Variants in PAK5 observed in about 807,000 individuals in gnomAD.
PAK5 encodes the protein serine/threonine-protein kinase PAK 5.
Under a neutral mutation model 65.9 loss-of-function variants are expected in PAK5, and 16 were observed. That is an observed-to-expected ratio of 0.24 (90% confidence interval 0.16 to 0.37). The LOEUF is 0.37. PAK5 is among the 10% of genes least tolerant of loss of function. The pLI is 1.00. For missense variants in PAK5, 785 were observed against 903.9 expected (o/e 0.87, Z 1.69); for synonymous variants, 371 against 354.9 (o/e 1.05, Z -0.51).
chr20:9,794,008 T>A (rs1183120850), intron 1 of PAK5, among the ~76,000 whole-genome samples: 1 of 152,000 alleles, frequency 6.6e-6, no homozygotes, highest in Non-Finnish European at 1.5e-5. Flanking sequence ...TAAAAATGAA[T>A]AAGATCATGT....
At chr20:9,637,411 T>TA (rs756575026) in intron 3 of PAK5, among the ~76,000 whole-genome samples, 8 of 152,130 alleles carry the variant, frequency 5.3e-5, no homozygotes, top group Non-Finnish European at 7.4e-5. Context: ...AAACGAGAGT[T>TA]AAAAAAAGCA....
intron 1 of PAK5, among the ~76,000 whole-genome samples, chr20:9,800,600 C>T (rs2049158069): frequency 6.6e-6 from 1 of 151,966 alleles, no homozygotes; most frequent in Non-Finnish European, 1.5e-5. Flanking sequence ...TTTGAATTTA[C>T]AATAATGCAG....
intron 1 of PAK5, among the ~76,000 whole-genome samples, chr20:9,745,762 A>G (rs1485354373): frequency 6.6e-6 from 1 of 152,120 alleles, no homozygotes; most frequent in East Asian, 1.9e-4. Context: ...CATTTTATGT[A>G]GTAACGTTTT....
At chr20:9,786,242 G>A (rs1385322001) in intron 1 of PAK5, among the ~76,000 whole-genome samples, 1 of 152,032 alleles carries the variant, frequency 6.6e-6, no homozygotes, top group Non-Finnish European at 1.5e-5. Context: ...GGGAGGCTGG[G>A]AAGTTGAGTA....
intron 3 of PAK5, among the ~76,000 whole-genome samples, chr20:9,608,048 A>T (rs1024281877): frequency 6.6e-6 from 1 of 152,154 alleles, no homozygotes; most frequent in Non-Finnish European, 1.5e-5. Flanking sequence ...ACAGACAGCC[A>T]TCTTCTCACT....
At chr20:9,765,916 G>A (rs1212895304) in intron 1 of PAK5, among the ~76,000 whole-genome samples, 3 of 152,192 alleles carry the variant, frequency 2.0e-5, no homozygotes, top group Middle Eastern at 3.4e-3. Flanking sequence ...ACTGGTTACT[G>A]TTTAAAATGA....
intron 1 of PAK5, among the ~76,000 whole-genome samples, chr20:9,748,472 A>G (rs1298353824): frequency 6.6e-6 from 1 of 152,212 alleles, no homozygotes; most frequent in Non-Finnish European, 1.5e-5. Context: ...ACAGCATGGT[A>G]CTAGTACCAA....
intron 1 of PAK5, among the ~76,000 whole-genome samples, chr20:9,721,244 C>T (rs1381109072): frequency 6.6e-6 from 1 of 152,096 alleles, no homozygotes; most frequent in Non-Finnish European, 1.5e-5. Flanking sequence ...ATTATATGGG[C>T]TCCTCTTCCC....
chr20:9,808,936 A>C (rs1419115261), intron 1 of PAK5, among the ~76,000 whole-genome samples: 1 of 152,198 alleles, frequency 6.6e-6, no homozygotes, highest in East Asian at 1.9e-4. Flanking sequence ...GAAAAACAGA[A>C]GGTAATGCAA....
At chr20:9,805,316 C>T (rs1260607545) in intron 1 of PAK5, among the ~76,000 whole-genome samples, 1 of 152,018 alleles carries the variant, frequency 6.6e-6, no homozygotes, top group Non-Finnish European at 1.5e-5. Context: ...CAGGACAGTT[C>T]CTCAAAAAAT....
At chr20:9,572,197 T>C (rs2045801563) in intron 4 of PAK5, among the ~76,000 whole-genome samples, 1 of 152,216 alleles carries the variant, frequency 6.6e-6, no homozygotes, top group Non-Finnish European at 1.5e-5. Context: ...CTTTTTGTTT[T>C]GGTCAAAGCA....
intron 1 of PAK5, among the ~76,000 whole-genome samples, chr20:9,825,453 T>G (rs1261613385): frequency 2.0e-5 from 3 of 152,206 alleles, no homozygotes; most frequent in Non-Finnish European, 4.4e-5. Flanking sequence ...GTGAGCACAG[T>G]TGCATTGTGA....
intron 3 of PAK5, 87 bp from the exon 4 acceptor site, chr20:9,581,017 T>C (rs1359585762): frequency 5.0e-6 from 5 of 994,172 alleles, no homozygotes; most frequent in East Asian, 2.4e-5. Context: ...TCCATCCAAA[T>C]TAAACTACAG....
intron 2 of PAK5, among the ~76,000 whole-genome samples, chr20:9,704,363 AC>A (rs1369721618): frequency 6.6e-6 from 1 of 152,170 alleles, no homozygotes; most frequent in African/African-American, 2.4e-5. Context: ...CATCTACTTC[AC>A]AATCTGCATA....
intron 1 of PAK5, among the ~76,000 whole-genome samples, chr20:9,726,858 G>C (rs962443909): frequency 6.6e-6 from 1 of 152,088 alleles, no homozygotes; most frequent in Admixed American, 6.6e-5. Context: ...CGACCAAAAA[G>C]GATGATCAAC....
chr20:9,713,412 G>A (rs1772575895), intron 1 of PAK5, among the ~76,000 whole-genome samples: 1 of 152,138 alleles, frequency 6.6e-6, no homozygotes, highest in Admixed American at 6.6e-5. Flanking sequence ...TATGCTGTTG[G>A]TGGGAATGTA....
chr20:9,767,030 C>G (rs1288828947), intron 1 of PAK5, among the ~76,000 whole-genome samples: 1 of 151,928 alleles, frequency 6.6e-6, no homozygotes. Context: ...CACGTTCGGC[C>G]AAAATACACA....
intron 1 of PAK5, among the ~76,000 whole-genome samples, chr20:9,736,142 C>T (rs926914828): frequency 2.0e-5 from 3 of 151,936 alleles, no homozygotes; most frequent in African/African-American, 7.3e-5. Context: ...CTCAGCTGAT[C>T]CACCCACCTC....
At chr20:9,659,593 T>C (rs920825986) in intron 2 of PAK5, among the ~76,000 whole-genome samples, 2 of 152,180 alleles carry the variant, frequency 1.3e-5, no homozygotes, top group African/African-American at 4.8e-5. Context: ...CGATAGAGTA[T>C]TGGGTATAAG....
Sources: gnomAD v4.1 joint callset for allele counts (sites outside exome capture counted in the v4.1 genomes callset) on GRCh38, gnomAD v4.1.1 for gene constraint, MANE v1.5 for transcripts, NCBI Gene and HGNC (gene_info 2026-07-23, HGNC 2026-07-21) for gene names.